PADI4: variants seen among roughly 807,000 people sequenced by gnomAD.
The protein encoded by PADI4 is peptidyl arginine deiminase 4, also known as protein-arginine deiminase type-4.
Under a neutral mutation model 75.0 loss-of-function variants are expected in PADI4, and 62 were observed. The ratio of observed to expected loss-of-function variants is 0.83; its 90% CI spans 0.67 to 1.02. PADI4 has a LOEUF of 1.02. PADI4 is among the 50% of genes least tolerant of loss of function. The pLI is 0.00. For missense variants in PADI4, 845 were observed against 850.5 expected (o/e 0.99, Z 0.08); for synonymous variants, 361 against 348.1 (o/e 1.04, Z -0.41).
intron 1 of PADI4, among the ~76,000 whole-genome samples, chr1:17,328,011 CTTTA>C (rs2074143091): frequency 1.3e-5 from 2 of 151,856 alleles, no homozygotes; most frequent in African/African-American, 4.8e-5. Context: ...TGGTGAATAT[CTTTA>C]TTTATTTTGT....
chr1:17,338,622 T>C (rs2074359834), intron 5 of PADI4, among the ~76,000 whole-genome samples: 1 of 152,154 alleles, frequency 6.6e-6, no homozygotes, highest in African/African-American at 2.4e-5. Flanking sequence ...ACGGGGAACT[T>C]AAGCAATTTG....
chr1:17,318,587 A>G (rs77074876), intron 1 of PADI4, among the ~76,000 whole-genome samples: 3,342 of 152,274 alleles, frequency 0.022, 45 homozygotes, highest in Non-Finnish European at 0.033. Flanking sequence ...TAATGTCTTG[A>G]TCAGACTTCC....
Position 17,339,721 on chromosome 1 carries a change from C to T in PADI4, c.560C>T (p.Thr187Met), listed in dbSNP as rs745676601. ...GACATGTCGCTGATGACCCTGAGCACGAAGACCCCCAAGGACTTCTTCACA... is the reference window on the plus strand; with the variant it reads ...GACATGTCGCTGATGACCCTGAGCATGAAGACCCCCAAGGACTTCTTCACA... ...LQDMSLMTLS[T>M]KTPKDFFTNH... The change falls in exon 6 of 16, where the codon ACG becomes ATG. Residue 187 changes from threonine (T) to methionine (M), a missense_variant. By Grantham distance (81) the Thr-to-Met change is moderately conservative. Coordinates refer to ENST00000375448, the MANE Select transcript of PADI4 (RefSeq NM_012387.3). 5.6e-5 allele frequency: 90 copies of T among 1,613,854 alleles called. No individual in the cohort carries two copies. Among genetic ancestry groups the T allele is most frequent in the Admixed American group, 1.5e-4 (9 of 60,002 alleles).
At chr1:17,334,106 T>C (rs57744451) in intron 3 of PADI4, 97 bp downstream of exon 3, 42,152 of 781,334 alleles carry the variant, frequency 0.054, 1,371 homozygotes, top group East Asian at 0.096. Context: ...ACCTGGAGCT[T>C]ACTTTAGACT....
chr1:17,330,691 C>A (rs1007850100), intron 1 of PADI4, among the ~76,000 whole-genome samples: 2 of 152,168 alleles, frequency 1.3e-5, no homozygotes, highest in Non-Finnish European at 2.9e-5. Flanking sequence ...GGTGATCCCA[C>A]CTCTTCCACC....
intron 1 of PADI4, among the ~76,000 whole-genome samples, chr1:17,329,912 A>G (rs1447082484): frequency 1.3e-5 from 2 of 152,228 alleles, no homozygotes; most frequent in Non-Finnish European, 2.9e-5. Context: ...CACATGAAGA[A>G]GGCTAATTCT....
intron 14 of PADI4, 120 bp from the exon 15 acceptor site, chr1:17,359,160 C>CACAGAGGGGCCTCTGGCCAGTG (rs2074810414): frequency 1.3e-6 from 1 of 774,808 alleles, no homozygotes; most frequent in African/African-American, 1.7e-5. Flanking sequence ...ACCTTCACTG[C>CACAGAGGGGCCTCTGGCCAGTG]CTTCCTGACA....
intron 14 of PADI4, 88 bp from the exon 15 acceptor site, chr1:17,359,192 G>T: frequency 1.0e-6 from 1 of 979,964 alleles, no homozygotes; most frequent in Non-Finnish European, 1.6e-6. Flanking sequence ...CCTACCCTCC[G>T]GCAGGGGGCC....
intron 1 of PADI4, among the ~76,000 whole-genome samples, chr1:17,330,095 C>G (rs149733260): frequency 6.6e-5 from 10 of 152,178 alleles, no homozygotes; most frequent in Non-Finnish European, 1.2e-4. Context: ...TGCACAGTGG[C>G]GTGGTGGAAA....
At position 17,338,092 on chromosome 1, in the gene PADI4, G is replaced by T; in HGVS notation, c.463G>T (p.Asp155Tyr). 6.2e-7 allele frequency: 1 copy of T among 1,613,784 alleles called. No individual in the cohort carries two copies. The highest frequency in any genetic ancestry group is 1.1e-5 in the South Asian group (1 of 91,082). ...GQGAILLVNC[D>Y]RDNLESSAMD... is the part of the protein sequence containing the mutation. The stretch of plus-strand genomic sequence containing the variant: ...GGGTGCCATCCTGCTGGTGAACTGT[G>T]ACAGAGACAATCTCGAATCTTCTGC... Residue 155 changes from aspartate to tyrosine, a missense_variant, in exon 5 of 16, where the codon GAC becomes TAC. Coordinates refer to ENST00000375448, the MANE Select transcript of PADI4 (RefSeq NM_012387.3).
In PADI4 at chr1:17,331,238, G is replaced by A. The variant is rs904201595; in HGVS notation, c.273+89G>A. On this transcript the variant is annotated intron_variant, in intron 2 of 15. Transcript: ENST00000375448. ...TGTCCTGCCGTGATCCACAGCACCA[G>A]CCTGGCAGAGCCTCTTGCCCTGTGG... 7 of 1,095,150 alleles carry A rather than the reference G, an allele frequency of 6.4e-6. No individual in the cohort carries two copies. The Admixed American group carries it at 1.9e-4, about 29-fold the overall frequency. The allele number at this position is 1,095,150 out of a possible 1,614,324, so 67.8% of individuals were successfully genotyped here.
Position 17,336,147 on chromosome 1 carries a change from A to G in PADI4, c.341-12A>G. On this transcript the variant is annotated splice_polypyrimidine_tract_variant and intron_variant, in intron 3 of 15. Transcript: ENST00000375448. ...CCTCACCAACCTCTCCTCTTACTTGATGGGATTTCAGAAATCTCCTTGTGC... is the reference window on the plus strand; with the variant it reads ...CCTCACCAACCTCTCCTCTTACTTGGTGGGATTTCAGAAATCTCCTTGTGC... 1 of 1,606,314 alleles carries G rather than the reference A, an allele frequency of 6.2e-7. No individual in the cohort carries two copies. Among genetic ancestry groups the G allele is most frequent in the Admixed American group, 1.7e-5 (1 of 59,986 alleles).
chr1:17,312,418 C>T (rs1211391143), intron 1 of PADI4, among the ~76,000 whole-genome samples: 1 of 138,454 alleles, frequency 7.2e-6, no homozygotes, highest in Non-Finnish European at 1.5e-5. Flanking sequence ...TGAGATTGCA[C>T]CATTGCACTC....
chr1:17,351,994 TCAGGGAGGTGATGGGAGGAGAGGCGGC>T lies in PADI4; in HGVS notation c.1156-2514_1156-2488del, dbSNP rs1557576453. The stretch of plus-strand genomic sequence containing the variant: ...AGGGAGGTGATGGGAGGAGAGGCAG[TCAGGGAGGTGATGGGAGGAGAGGCGGC>T]CAGGGAGGTGATGGGAGGAGAGGCA... On this transcript the variant is annotated intron_variant, in intron 10 of 15. Coordinates refer to ENST00000375448, the MANE Select transcript of PADI4 (RefSeq NM_012387.3). Among the ~76,000 whole-genome samples the T allele has an allele frequency of 5.2e-3, 234 of 44,734 alleles. 8 individuals carry two copies. The highest frequency in any genetic ancestry group is 6.8e-3 in the Non-Finnish European group (170 of 24,922). The allele number at this position is 44,734 out of a possible 152,430, so 29.3% of individuals were successfully genotyped here.
chr1:17,348,451 A>G (rs145776340), intron 10 of PADI4, among the ~76,000 whole-genome samples: 1 of 152,218 alleles, frequency 6.6e-6, no homozygotes, highest in East Asian at 1.9e-4. Context: ...CATCTGGGAT[A>G]TGGGGGATTT....
At chr1:17,352,032 A>ATGGGAGG (rs1553149002) in intron 10 of PADI4, among the ~76,000 whole-genome samples, 233 of 7,108 alleles carry the variant, frequency 0.033, 19 homozygotes, top group African/African-American at 0.069. Context: ...CAGGGAGGTG[A>ATGGGAGG]TGGGAGGAGA....
chr1:17,309,826 G>A (rs2477131), intron 1 of PADI4, among the ~76,000 whole-genome samples: 114,179 of 152,212 alleles, frequency 0.75, 43,320 homozygotes, highest in East Asian at 0.86. Flanking sequence ...CATCTGAGGC[G>A]CCCCCAACTC....
chr1:17,319,695 C>T (rs918447764), intron 1 of PADI4, among the ~76,000 whole-genome samples: 1 of 152,142 alleles, frequency 6.6e-6, no homozygotes, highest in Non-Finnish European at 1.5e-5. Flanking sequence ...CAGGAGCTGC[C>T]ACATGGTTGA....
At chr1:17,311,296 ACTGT>A (rs2073822646) in intron 1 of PADI4, among the ~76,000 whole-genome samples, 1 of 151,386 alleles carries the variant, frequency 6.6e-6, no homozygotes, top group South Asian at 2.1e-4. Context: ...CAAAGCCAGG[ACTGT>A]CTGACCCTAA....
Sources: gnomAD v4.1 joint callset for allele counts (sites outside exome capture counted in the v4.1 genomes callset) on GRCh38, gnomAD v4.1.1 for gene constraint, MANE v1.5 for transcripts, NCBI Gene and HGNC (gene_info 2026-07-23, HGNC 2026-07-21) for gene names.